TTC17: variants seen among roughly 807,000 people sequenced by gnomAD.
TTC17 encodes the protein tetratricopeptide repeat domain 17.
TTC17 carries 58 observed loss-of-function variants against 143.8 expected under a neutral mutation model. The ratio of observed to expected loss-of-function variants is 0.40; its 90% CI spans 0.33 to 0.50. The LOEUF is 0.50. TTC17 is among the 20% of genes least tolerant of loss of function. The probability of loss-of-function intolerance (pLI) is 0.49; values close to 1 mark genes in which losing one functional copy is unlikely to be tolerated. For missense variants in TTC17, 1,273 were observed against 1,392.5 expected, an observed-to-expected ratio of 0.91 and a Z score of 1.37; for synonymous variants, 501 against 497.8, an observed-to-expected ratio of 1.01 and a Z score of -0.09.
intron 16 of TTC17, among the ~76,000 whole-genome samples, chr11:43,430,894 G>A (rs973359794): frequency 1.3e-5 from 2 of 151,914 alleles, no homozygotes; most frequent in African/African-American, 4.8e-5. Context: ...TCATCAACCC[G>A]TCATCTACAT....
intron 21 of TTC17, among the ~76,000 whole-genome samples, chr11:43,455,407 A>G (rs1265068129): frequency 1.3e-5 from 2 of 152,050 alleles, no homozygotes; most frequent in African/African-American, 2.4e-5. Context: ...AGTAGAAACA[A>G]TGCATCCAAA....
chr11:43,405,595 A>C lies in TTC17; in HGVS notation c.1561A>C (p.Thr521Pro). ...PRVPVGGELPTYFLPPENKGL... is the reference protein window; with the variant it reads ...PRVPVGGELPPYFLPPENKGL... ...AGTCCCTGTTGGTGGGGAATTGCCA[A>C]CGTATTTTCTGCCTCCGGAAAACAA... The change falls in exon 12 of 24, where the codon ACG becomes CCG. Residue 521 changes from threonine (T) to proline (P), a missense_variant. Thr to Pro is a conservative substitution (Grantham distance 38, BLOSUM62 -1). This residue lies in a region of TTC17 where 878 missense variants were observed against 899.8 expected (regional missense o/e 0.98). Transcript: ENST00000039989. 6.2e-7 allele frequency: 1 copy of C among 1,613,974 alleles called. No homozygotes were observed. The highest frequency in any genetic ancestry group is 8.5e-7 in the Non-Finnish European group (1 of 1,179,902).
rs948664825 is a variant in TTC17, at chr11:43,436,127, T to C, written c.2252-7198T>C. 3.1e-6 allele frequency: 4 copies of C among 1,290,768 alleles called. No individual in the cohort carries two copies. The Admixed American group carries it at 1.1e-4, about 35-fold the overall frequency. 80.0% of individuals were successfully genotyped at this position (1,290,768 alleles called of 1,614,324 possible). On this transcript the variant is annotated intron_variant, in intron 16 of 23. Coordinates refer to ENST00000039989, the MANE Select transcript of TTC17 (RefSeq NM_018259.6). ...GTACTGTAGTACTACACGAGAGATA[T>C]TTCTAATGTGCTATATCTGTGTCTC...
intron 21 of TTC17, among the ~76,000 whole-genome samples, chr11:43,468,818 A>C (rs1351043526): frequency 6.6e-6 from 1 of 152,184 alleles, no homozygotes; most frequent in East Asian, 1.9e-4. Flanking sequence ...CTAGCTACAC[A>C]GGAGGCTGAG....
In TTC17 at chr11:43,439,059, G is replaced by A. The variant is rs560505259; in HGVS notation, c.2252-4266G>A. Among the ~76,000 whole-genome samples, 9 of 152,326 alleles carry A rather than the reference G, an allele frequency of 5.9e-5. No individual in the cohort carries two copies. The East Asian group carries it at 1.7e-3, about 29-fold the overall frequency. ...ATAGCACATTCCCTTAGGCGTTGAA[G>A]ATGGTTATTGTTCCTGCCTACCTTC... On this transcript the variant is annotated intron_variant, in intron 16 of 23. Coordinates refer to ENST00000039989, the MANE Select transcript of TTC17 (RefSeq NM_018259.6).
chr11:43,428,149 C>T (rs1055899133), intron 16 of TTC17, among the ~76,000 whole-genome samples: 6 of 152,126 alleles, frequency 3.9e-5, no homozygotes, highest in African/African-American at 1.4e-4. Context: ...TTCAGTCCCT[C>T]CTGTTTTTAA....
chr11:43,468,961 A>G (rs898531274), intron 21 of TTC17, among the ~76,000 whole-genome samples: 1 of 152,222 alleles, frequency 6.6e-6, no homozygotes, highest in Non-Finnish European at 1.5e-5. Context: ...CTTAAAGAAA[A>G]TATTCACAAT....
chr11:43,368,769 C>T (rs1856449794), intron 1 of TTC17, among the ~76,000 whole-genome samples: 1 of 152,218 alleles, frequency 6.6e-6, no homozygotes, highest in Non-Finnish European at 1.5e-5. Context: ...TCCCATCATA[C>T]TTAGATTAAA....
intron 16 of TTC17, among the ~76,000 whole-genome samples, chr11:43,420,405 T>TC (rs1240323215): frequency 6.6e-6 from 1 of 152,226 alleles, no homozygotes; most frequent in Non-Finnish European, 1.5e-5. Flanking sequence ...CATTTCTACG[T>TC]AAAACATGGA....
chr11:43,425,400 T>C (rs1442579658), intron 16 of TTC17, among the ~76,000 whole-genome samples: 1 of 152,192 alleles, frequency 6.6e-6, no homozygotes, highest in Non-Finnish European at 1.5e-5. Context: ...GGGCTCTTTT[T>C]AAAATTTCTA....
intron 16 of TTC17, among the ~76,000 whole-genome samples, chr11:43,432,142 G>C (rs915083851): frequency 6.6e-6 from 1 of 152,210 alleles, no homozygotes; most frequent in Non-Finnish European, 1.5e-5. Flanking sequence ...AAGATGAGAA[G>C]ATAGGAGATC....
intron 22 of TTC17, 109 bp downstream of exon 22, chr11:43,490,467 T>C (rs1025729922): frequency 7.0e-7 from 1 of 1,437,654 alleles, no homozygotes; most frequent in South Asian, 1.5e-5. Flanking sequence ...AGTGAGGACA[T>C]ATTCCAAGGA....
chr11:43,395,810 T>C (rs1160699169), intron 5 of TTC17, among the ~76,000 whole-genome samples: 1 of 152,118 alleles, frequency 6.6e-6, no homozygotes, highest in Non-Finnish European at 1.5e-5. Flanking sequence ...TCACTGAAAA[T>C]CTATAAAAGA....
At chr11:43,422,074 G>T (rs1228174371) in intron 16 of TTC17, among the ~76,000 whole-genome samples, 1 of 152,148 alleles carries the variant, frequency 6.6e-6, no homozygotes, top group African/African-American at 2.4e-5. Flanking sequence ...AGATGATATT[G>T]GCCTGTACCA....
chr11:43,411,112 C>T (rs1858392458), intron 15 of TTC17, among the ~76,000 whole-genome samples: 1 of 152,158 alleles, frequency 6.6e-6, no homozygotes. Context: ...TAGTGGCTCT[C>T]CATAGAACTC....
Position 43,397,109 on chromosome 11 carries a change from A to G in TTC17, c.774-238A>G, listed in dbSNP as rs142948904. On this transcript the variant is annotated intron_variant, in intron 6 of 23. Transcript: ENST00000039989. ...TCATAAACTAAGTTTAACTTTTCTT[A>G]AAGCAAATATAAGCCCTAAATAAAT... 14 of 489,098 alleles carry G rather than the reference A, an allele frequency of 2.9e-5. No individual in the cohort carries two copies. The East Asian group carries it at 4.2e-4, about 15-fold the overall frequency. The allele number at this position is 489,098 out of a possible 1,614,324, so 30.3% of individuals were successfully genotyped here.
chr11:43,484,423 C>T (rs1012136346), intron 21 of TTC17, among the ~76,000 whole-genome samples: 1 of 152,142 alleles, frequency 6.6e-6, no homozygotes, highest in Non-Finnish European at 1.5e-5. Flanking sequence ...CTCCGTGCAG[C>T]AAGAGATAAA....
At chr11:43,412,981 GACACACACACACACACACACACACAC>G (rs57982323) in intron 15 of TTC17, among the ~76,000 whole-genome samples, 4 of 140,386 alleles carry the variant, frequency 2.8e-5, no homozygotes, top group Admixed American at 2.1e-4. Flanking sequence ...ACCTAGAATA[GACACACACACACACACACACACACAC>G]ACACACACAC....
intron 5 of TTC17, among the ~76,000 whole-genome samples, chr11:43,394,679 C>CTA (rs1369643880): frequency 6.6e-6 from 1 of 152,058 alleles, no homozygotes; most frequent in Non-Finnish European, 1.5e-5. Context: ...TTCGAAATAC[C>CTA]TATATGAGTT....
Sources: allele counts gnomAD v4.1 joint callset (sites outside exome capture counted in the v4.1 genomes callset), GRCh38; gene constraint gnomAD v4.1.1; regional missense constraint gnomAD v4.1.1; transcripts MANE v1.5; gene names NCBI Gene and HGNC (gene_info 2026-07-23, HGNC 2026-07-21).